The following KIAA1217 variants were observed in gnomAD, a reference collection of about 807,000 sequenced individuals.
The protein encoded by KIAA1217 is KIAA1217, also known as sickle tail protein homolog.
KIAA1217 carries 88 observed loss-of-function variants against 163.9 expected under a neutral mutation model. That is an observed-to-expected ratio of 0.54 (90% CI 0.45 to 0.64). The LOEUF is 0.64. Among genes scored for constraint, KIAA1217 ranks in the 30% least tolerant of loss-of-function variants. KIAA1217 has a pLI of 0.00. For synonymous variants in KIAA1217, 903 were observed against 923.1 expected, an observed-to-expected ratio of 0.98 and a Z score of 0.39; for missense variants, 2,372 against 2,475.0, an observed-to-expected ratio of 0.96 and a Z score of 0.88.
intron 5 of KIAA1217, among the ~76,000 whole-genome samples, chr10:24,462,432 G>A (rs1052314973): frequency 2.4e-4 from 37 of 152,166 alleles, no homozygotes; most frequent in African/African-American, 8.7e-4. Flanking sequence ...GTGATCACGC[G>A]TGGGCAGGCA....
intron 2 of KIAA1217, among the ~76,000 whole-genome samples, chr10:24,234,100 A>G (rs2071838486): frequency 6.6e-6 from 1 of 152,178 alleles, no homozygotes; most frequent in Admixed American, 6.5e-5. Context: ...GTATTAATAC[A>G]GGTTGAGTAT....
intron 2 of KIAA1217, among the ~76,000 whole-genome samples, chr10:24,332,568 C>T (rs991618726): frequency 6.6e-6 from 1 of 151,782 alleles, no homozygotes; most frequent in Admixed American, 6.6e-5. Flanking sequence ...CATCCTCTCT[C>T]GGTGACAGAG....
At chr10:23,920,670 A>T (rs527995398) in intron 1 of KIAA1217, among the ~76,000 whole-genome samples, 18 of 152,286 alleles carry the variant, frequency 1.2e-4, no homozygotes, top group Admixed American at 9.2e-4. Flanking sequence ...TTGAACAGTC[A>T]GTGACAGGGA....
In KIAA1217 at chr10:24,159,118, G is replaced by A. The variant is rs572340613; in HGVS notation, c.-170-60508G>A. 3.9e-5 allele frequency among the ~76,000 whole-genome samples: 6 copies of A among 152,240 alleles called. No homozygotes were observed. In the South Asian group the frequency reaches 1.0e-3, roughly 26 times the overall value. ...GACTTCATAGTCTTCATGAGAAGGTGGGGGTGAATTTCATAAAAGGGGACT... is the reference window on the plus strand; with the variant it reads ...GACTTCATAGTCTTCATGAGAAGGTAGGGGTGAATTTCATAAAAGGGGACT... On this transcript the variant is annotated intron_variant, in intron 2 of 18. Transcript: ENST00000376462.
chr10:24,255,430 G>A, intron 2 of KIAA1217: 1 of 404,976 alleles, frequency 2.5e-6, no homozygotes, highest in Non-Finnish European at 5.0e-6. Context: ...GCCACCCGTG[G>A]GCTCAGCACT....
At position 24,527,918 on chromosome 10, in the gene KIAA1217, C is replaced by T. The variant is rs768664006; in HGVS notation, c.2899-18C>T. 8.5e-5 allele frequency: 136 copies of T among 1,605,744 alleles called. No homozygotes were observed. Among genetic ancestry groups the T allele is most frequent in the Non-Finnish European group, 1.1e-4 (124 of 1,173,986 alleles). ...CTATGTGTCCACGTAACTTCCTTTA[C>T]GTGCTATATTCCTCCAGAAAGCAGA... On this transcript the variant is annotated intron_variant, in intron 13 of 20. Transcript: ENST00000376454.
chr10:23,844,291 T>A (rs1349237467), intron 1 of KIAA1217, among the ~76,000 whole-genome samples: 1 of 152,204 alleles, frequency 6.6e-6, no homozygotes, highest in Non-Finnish European at 1.5e-5. Context: ...TTTGTGAGTT[T>A]ATGCCTTTTA....
chr10:24,319,675 A>G (rs959679999), intron 2 of KIAA1217, among the ~76,000 whole-genome samples: 1 of 152,236 alleles, frequency 6.6e-6, no homozygotes, highest in African/African-American at 2.4e-5. Context: ...ACACTGGCTC[A>G]AGCCTTGAAG....
intron 2 of KIAA1217, among the ~76,000 whole-genome samples, chr10:24,190,535 G>A (rs2066668268): frequency 6.6e-6 from 1 of 152,142 alleles, no homozygotes; most frequent in South Asian, 2.1e-4. Context: ...AGAAGTTAGG[G>A]CTTTCCCACA....
intron 7 of KIAA1217, 133 bp from the exon 8 acceptor site, chr10:24,495,014 T>C: frequency 1.4e-6 from 1 of 718,546 alleles, no homozygotes; most frequent in Non-Finnish European, 2.3e-6. Context: ...ATTGTGATGC[T>C]GATGCTAAAA....
At position 24,225,104 on chromosome 10, in the gene KIAA1217, C is replaced by T. The variant is rs925869241; in HGVS notation, c.354+5195C>T. On this transcript the variant is annotated intron_variant, in intron 2 of 20. Coordinates refer to ENST00000376454, the MANE Select transcript of KIAA1217 (RefSeq NM_019590.5). ...CCTCCCAAAGTGCTGGGATTACAGG[C>T]GTGAGCCACCATGCCTGGCCCAATC... Among the ~76,000 whole-genome samples, 14 of 152,144 alleles carry T rather than the reference C, an allele frequency of 9.2e-5. No homozygotes were observed. In the East Asian group the frequency reaches 9.7e-4, roughly 11 times the overall value.
chr10:24,530,257 T>C (rs2072920474), intron 14 of KIAA1217, among the ~76,000 whole-genome samples: 1 of 152,196 alleles, frequency 6.6e-6, no homozygotes, highest in African/African-American at 2.4e-5. Context: ...GGCTCTTGAT[T>C]CTATCTGATT....
intron 1 of KIAA1217, among the ~76,000 whole-genome samples, chr10:23,758,608 C>G (rs1834043781): frequency 7.0e-6 from 1 of 142,900 alleles, no homozygotes; most frequent in African/African-American, 2.7e-5. Context: ...TTTCTTTTCT[C>G]TTTCTTTCTT....
intron 2 of KIAA1217, among the ~76,000 whole-genome samples, chr10:24,265,431 G>A (rs987917314): frequency 6.6e-6 from 1 of 152,124 alleles, no homozygotes; most frequent in African/African-American, 2.4e-5. Flanking sequence ...AATCCCACAT[G>A]TACTGCCCTG....
At chr10:23,736,495 T>C (rs1838812004) in intron 1 of KIAA1217, among the ~76,000 whole-genome samples, 1 of 152,140 alleles carries the variant, frequency 6.6e-6, no homozygotes, top group African/African-American at 2.4e-5. Flanking sequence ...CTATGGTAAT[T>C]AATCACTACA....
chr10:24,140,558 C>T (rs1029748953), intron 2 of KIAA1217, among the ~76,000 whole-genome samples: 4 of 152,018 alleles, frequency 2.6e-5, no homozygotes, highest in African/African-American at 9.7e-5. Flanking sequence ...TAGGGTAGAT[C>T]CTCTGGACAA....
intron 2 of KIAA1217, among the ~76,000 whole-genome samples, chr10:24,069,895 A>G (rs1264636635): frequency 6.6e-6 from 1 of 151,916 alleles, no homozygotes; most frequent in Non-Finnish European, 1.5e-5. Context: ...GCTGGAGTGC[A>G]GTGGTGCAAT....
intron 1 of KIAA1217, among the ~76,000 whole-genome samples, chr10:23,779,889 T>C (rs1214825889): frequency 1.3e-5 from 2 of 152,232 alleles, no homozygotes; most frequent in Admixed American, 6.5e-5. Context: ...TATTCACCAT[T>C]GTGTTACAAT....
chr10:24,037,350 C>T (rs1848438270), intron 2 of KIAA1217, among the ~76,000 whole-genome samples: 1 of 152,114 alleles, frequency 6.6e-6, no homozygotes, highest in South Asian at 2.1e-4. Context: ...ACTAGCCAGG[C>T]ATGGTGGCAG....
Sources: allele counts gnomAD v4.1 joint callset (sites outside exome capture counted in the v4.1 genomes callset), GRCh38; gene constraint gnomAD v4.1.1; transcripts MANE v1.5; gene names NCBI Gene and HGNC (gene_info 2026-07-23, HGNC 2026-07-21).